Variants in EPB41L4A observed in about 807,000 individuals in gnomAD.
EPB41L4A encodes erythrocyte membrane protein band 4.1 like 4A, also known as band 4.1-like protein 4A.
A neutral mutation model predicts 108.6 loss-of-function variants in EPB41L4A; 100 were observed. That is an observed-to-expected ratio of 0.92 (90% CI 0.78 to 1.09). The LOEUF (loss-of-function observed/expected upper bound fraction) is 1.09, where lower values mean the gene tolerates loss of function less well. Among genes scored for constraint, EPB41L4A ranks in the 50% least tolerant of loss-of-function variants. The pLI is 0.00. For missense variants in EPB41L4A, 1,030 were observed against 842.7 expected, an observed-to-expected ratio of 1.22 and a Z score of -2.75; for synonymous variants, 319 against 289.0, an observed-to-expected ratio of 1.10 and a Z score of -1.05.
intron 1 of EPB41L4A, among the ~76,000 whole-genome samples, chr5:112,368,273 T>A (rs1349381224): frequency 1.3e-5 from 2 of 152,132 alleles, no homozygotes; most frequent in Non-Finnish European, 1.5e-5. Context: ...TATTCCCTCA[T>A]CCCCTTGCAC....
chr5:112,242,458 A>G (rs1265888967), intron 9 of EPB41L4A, among the ~76,000 whole-genome samples: 1 of 152,188 alleles, frequency 6.6e-6, no homozygotes, highest in Non-Finnish European at 1.5e-5. Context: ...TTCTAATTCT[A>G]GTTTTCTTGC....
intron 1 of EPB41L4A, among the ~76,000 whole-genome samples, chr5:112,361,446 C>A (rs1002608378): frequency 6.6e-6 from 1 of 151,870 alleles, no homozygotes; most frequent in East Asian, 1.9e-4. Context: ...TATCTGCTGA[C>A]CTTCCCTCCA....
chr5:112,181,167 T>C (rs1266607518), intron 18 of EPB41L4A, among the ~76,000 whole-genome samples: 2 of 152,132 alleles, frequency 1.3e-5, no homozygotes, highest in South Asian at 2.1e-4. Flanking sequence ...AAATTAAACA[T>C]GTGGCCGGGC....
chr5:112,386,510 G>T (rs932084552), intron 1 of EPB41L4A, among the ~76,000 whole-genome samples: 3 of 152,106 alleles, frequency 2.0e-5, no homozygotes, highest in Non-Finnish European at 4.4e-5. Context: ...GGGGAATGAG[G>T]TTTTCTGGGT....
At chr5:112,387,453 T>C (rs1458202125) in intron 1 of EPB41L4A, among the ~76,000 whole-genome samples, 1 of 152,052 alleles carries the variant, frequency 6.6e-6, no homozygotes, top group African/African-American at 2.4e-5. Context: ...AGTAAAACCC[T>C]GTCTCTACTA....
intron 8 of EPB41L4A, among the ~76,000 whole-genome samples, chr5:112,259,583 C>T (rs1751352043): frequency 6.6e-6 from 1 of 152,214 alleles, no homozygotes; most frequent in Non-Finnish European, 1.5e-5. Context: ...CTCTCCAACT[C>T]ATCCCCATTT....
chr5:112,252,295 A>G (rs1272978832), intron 9 of EPB41L4A, among the ~76,000 whole-genome samples: 1 of 152,094 alleles, frequency 6.6e-6, no homozygotes, highest in Non-Finnish European at 1.5e-5. Context: ...ATTATTCCCT[A>G]GCTCTGTCAA....
At chr5:112,337,671 C>T (rs1456528677) in intron 1 of EPB41L4A, among the ~76,000 whole-genome samples, 4 of 152,280 alleles carry the variant, frequency 2.6e-5, no homozygotes, top group Admixed American at 2.6e-4. Flanking sequence ...TTCAATAAAG[C>T]ATCTCCTGCC....
chr5:112,164,863 T>G lies in EPB41L4A; in HGVS notation c.*127A>C. The G allele has an allele frequency of 1.0e-6, 1 of 992,142 alleles. No homozygotes were observed. Among genetic ancestry groups the G allele is most frequent in the Non-Finnish European group, 1.4e-6 (1 of 710,630 alleles). 61.5% of individuals were successfully genotyped at this position (992,142 alleles called of 1,614,324 possible). A position where few individuals can be genotyped will look rare whatever the true frequency, so the allele number is the denominator to read the frequency against. On this transcript the variant is annotated 3_prime_UTR_variant, in exon 23 of 23. Transcript: ENST00000261486. Reference sequence around the variant, plus strand: ...AAAAAAAAAAAGAAGCAAAAGATAATGTATTTTCTCATGCTGAAGAAATAC... The same window carrying G: ...AAAAAAAAAAAGAAGCAAAAGATAAGGTATTTTCTCATGCTGAAGAAATAC...
intron 2 of EPB41L4A, among the ~76,000 whole-genome samples, chr5:112,286,047 T>C (rs1235190843): frequency 1.3e-5 from 2 of 152,094 alleles, no homozygotes; most frequent in Non-Finnish European, 2.9e-5. Flanking sequence ...AACTTAAATT[T>C]CAAGATTCTT....
intron 1 of EPB41L4A, among the ~76,000 whole-genome samples, chr5:112,390,770 G>T (rs543893943): frequency 1.3e-5 from 2 of 152,196 alleles, no homozygotes; most frequent in African/African-American, 4.8e-5. Flanking sequence ...CCCCCATGTA[G>T]CCTAACTGGG....
At chr5:112,370,840 G>A (rs1759450200) in intron 1 of EPB41L4A, among the ~76,000 whole-genome samples, 1 of 152,226 alleles carries the variant, frequency 6.6e-6, no homozygotes, top group Non-Finnish European at 1.5e-5. Context: ...TCAGGAGGCT[G>A]AGGCACAATA....
chr5:112,381,574 A>C (rs911030966), intron 1 of EPB41L4A, among the ~76,000 whole-genome samples: 4 of 152,264 alleles, frequency 2.6e-5, no homozygotes, highest in African/African-American at 4.8e-5. Context: ...TTCTGGAAGC[A>C]TATTAATATC....
At chr5:112,243,712 G>C (rs189699499) in intron 9 of EPB41L4A, among the ~76,000 whole-genome samples, 1 of 152,224 alleles carries the variant, frequency 6.6e-6, no homozygotes, top group Admixed American at 6.5e-5. Flanking sequence ...TATCGAGATG[G>C]CTACTGTCCT....
chr5:112,348,547 T>G (rs1757832169), intron 1 of EPB41L4A, among the ~76,000 whole-genome samples: 1 of 151,966 alleles, frequency 6.6e-6, no homozygotes, highest in African/African-American at 2.4e-5. Flanking sequence ...TGAATCACAC[T>G]GCAGGGGAAG....
At chr5:112,319,470 A>T (rs1021705807) in intron 1 of EPB41L4A, among the ~76,000 whole-genome samples, 1 of 152,352 alleles carries the variant, frequency 6.6e-6, no homozygotes, top group Non-Finnish European at 1.5e-5. Flanking sequence ...TCATCAGTGG[A>T]TGCTAAAATG....
At chr5:112,205,776 G>C (rs1045083126) in intron 13 of EPB41L4A, among the ~76,000 whole-genome samples, 1 of 152,090 alleles carries the variant, frequency 6.6e-6, no homozygotes, top group Non-Finnish European at 1.5e-5. Flanking sequence ...AAACTCTAGA[G>C]TCCACCTGCA....
intron 1 of EPB41L4A, among the ~76,000 whole-genome samples, chr5:112,387,497 C>T (rs1250426805): frequency 6.6e-6 from 1 of 152,118 alleles, no homozygotes; most frequent in Non-Finnish European, 1.5e-5. Flanking sequence ...GGCATGGTGG[C>T]AGGGGCCTGT....
chr5:112,264,630 T>C (rs1402369654), intron 6 of EPB41L4A: 3 of 247,106 alleles, frequency 1.2e-5, no homozygotes, highest in East Asian at 8.5e-5. Flanking sequence ...CTCTGGGAAA[T>C]TGTACATACA....
Sources: gnomAD v4.1 joint callset for allele counts (sites outside exome capture counted in the v4.1 genomes callset) on GRCh38, gnomAD v4.1.1 for gene constraint, MANE v1.5 for transcripts, NCBI Gene and HGNC (gene_info 2026-07-23, HGNC 2026-07-21) for gene names.